Variants in ETFRF1 observed in about 807,000 individuals in gnomAD.
The protein encoded by ETFRF1 is electron transfer flavoprotein regulatory factor 1, also known as LYR motif containing 5.
In ETFRF1, 12 loss-of-function variants were observed where a neutral mutation model predicts 9.0. The observed-to-expected ratio is 1.34, with a 90% CI of 0.86 to 2.16. The LOEUF (loss-of-function observed/expected upper bound fraction) is 2.16. ETFRF1 is among the 30% of genes most tolerant of loss of function. The pLI is 0.00. For synonymous variants in ETFRF1, 34 were observed against 33.2 expected (o/e 1.02, Z -0.08); for missense variants, 98 against 101.8 (o/e 0.96, Z 0.16).
At position 25,204,530 on chromosome 12, in the gene ETFRF1, C is replaced by T. The variant is rs1031029078; in HGVS notation, c.*218C>T. The T allele has an allele frequency of 3.6e-5, 13 of 361,664 alleles. No homozygotes were observed. The highest frequency in any genetic ancestry group is 6.3e-5 in the African/African-American group (3 of 47,808). 22.4% of individuals were successfully genotyped at this position (361,664 alleles called of 1,614,324 possible). On this transcript the variant is annotated 3_prime_UTR_variant, in exon 3 of 3. Transcript: ENST00000381356. ...AAACATAGCAATTTAGCTATACTAC[C>T]GATCATAAATTAATGAGCACCCAAT... is the stretch of plus-strand genomic sequence containing the variant.
chr12:25,203,010 T>C (rs983545766), intron 1 of ETFRF1, among the ~76,000 whole-genome samples: 14 of 152,190 alleles, frequency 9.2e-5, no homozygotes, highest in African/African-American at 3.4e-4. Flanking sequence ...AAGCATTCCA[T>C]CCAGATTATA....
At chr12:25,199,306 C>T (rs1951055449) in intron 1 of ETFRF1, among the ~76,000 whole-genome samples, 1 of 147,462 alleles carries the variant, frequency 6.8e-6, no homozygotes, top group African/African-American at 2.5e-5. Flanking sequence ...GTATGTACTA[C>T]ATAGTACATA....
At chr12:25,196,490 A>AT (rs1342843879) in intron 1 of ETFRF1, among the ~76,000 whole-genome samples, 1 of 152,204 alleles carries the variant, frequency 6.6e-6, no homozygotes, top group Non-Finnish European at 1.5e-5. Flanking sequence ...GGGAACAATG[A>AT]TTAACAACTT....
chr12:25,203,702 G>A (rs574225259), intron 1 of ETFRF1: 1 of 338,312 alleles, frequency 3.0e-6, no homozygotes, highest in East Asian at 5.1e-5. Context: ...AATCACAATT[G>A]TCTTTGCTTA....
At chr12:25,201,850 A>T (rs73288818) in intron 1 of ETFRF1, among the ~76,000 whole-genome samples, 3,053 of 152,142 alleles carry the variant, frequency 0.02, 82 homozygotes, top group African/African-American at 0.07. Flanking sequence ...TGAGTATGGT[A>T]CTGTAATTTT....
Position 25,202,063 on chromosome 12 carries a change from CAAAAA to C in ETFRF1, c.-37-1841_-37-1837del, listed in dbSNP as rs149050811. On this transcript the variant is annotated intron_variant, in intron 1 of 2. Transcript: ENST00000381356. Reference sequence around the variant, plus strand: ...GTGAAACCCCGTCTCTACTGAAATACAAAAAAAAAAAAAAAAAAAATTAGCCAGGC... The same window carrying C: ...GTGAAACCCCGTCTCTACTGAAATACAAAAAAAAAAAAAAATTAGCCAGGC... 5.9e-4 allele frequency among the ~76,000 whole-genome samples: 31 copies of C among 52,814 alleles called. 3 individuals carry two copies. Among genetic ancestry groups the C allele is most frequent in the East Asian group, 1.3e-3 (2 of 1,558 alleles). The allele number at this position is 52,814 out of a possible 152,430, so 34.6% of individuals were successfully genotyped here.
intron 1 of ETFRF1, among the ~76,000 whole-genome samples, chr12:25,199,979 G>A (rs1335773733): frequency 1.3e-5 from 2 of 152,178 alleles, no homozygotes; most frequent in Non-Finnish European, 2.9e-5. Context: ...GGAAACCAAG[G>A]AGAGTGGATC....
chr12:25,199,615 T>TACACACACACACAC (rs769056865), intron 1 of ETFRF1, among the ~76,000 whole-genome samples: 3,433 of 111,168 alleles, frequency 0.031, 57 homozygotes, highest in Admixed American at 0.064. Flanking sequence ...CATATATGTA[T>TACACACACACACAC]ACATACACAC....
chr12:25,201,823 A>G (rs1660081544), intron 1 of ETFRF1, among the ~76,000 whole-genome samples: 1 of 152,114 alleles, frequency 6.6e-6, no homozygotes, highest in Admixed American at 6.6e-5. Flanking sequence ...TAAATTATGT[A>G]GCGCATGATT....
chr12:25,200,890 C>T (rs1331288452), intron 1 of ETFRF1, among the ~76,000 whole-genome samples: 2 of 152,188 alleles, frequency 1.3e-5, no homozygotes. Flanking sequence ...AGAGAGCAGT[C>T]AGTCCAGAAT....
At chr12:25,199,259 GTACTATA>G in intron 1 of ETFRF1, among the ~76,000 whole-genome samples, 1 of 148,406 alleles carries the variant, frequency 6.7e-6, no homozygotes, top group Non-Finnish European at 1.5e-5. Context: ...GAATTACTAT[GTACTATA>G]TACTATATAT....
chr12:25,203,837 C>A, intron 1 of ETFRF1, 83 bp from the exon 2 acceptor site: 1 of 739,734 alleles, frequency 1.4e-6, no homozygotes, highest in Non-Finnish European at 2.0e-6. Flanking sequence ...AAAAAGGTTA[C>A]CATTTTCTCA....
intron 1 of ETFRF1, among the ~76,000 whole-genome samples, chr12:25,202,063 C>CACAAAAAAAAAAAAAAA (rs1951077710): frequency 3.8e-5 from 2 of 52,814 alleles, no homozygotes; most frequent in African/African-American, 1.2e-4. Flanking sequence ...TACTGAAATA[C>CACAAAAAAAAAAAAAAA]AAAAAAAAAA....
intron 1 of ETFRF1, among the ~76,000 whole-genome samples, chr12:25,197,461 T>C (rs1013999219): frequency 1.3e-5 from 2 of 152,132 alleles, no homozygotes; most frequent in South Asian, 2.1e-4. Context: ...CGAAGAGGTG[T>C]TTTTTGTTTG....
chr12:25,198,930 T>C (rs2141467257), intron 1 of ETFRF1, among the ~76,000 whole-genome samples: 1 of 152,276 alleles, frequency 6.6e-6, no homozygotes, highest in African/African-American at 2.4e-5. Context: ...AGCCATCGAC[T>C]GAGGACAGGT....
chr12:25,204,165 A>C lies in ETFRF1; in HGVS notation c.126A>C (p.Lys42Asn). The change falls in exon 3 of 3, where the codon AAA becomes AAC. Residue 42 changes from lysine (K) to asparagine (N), a missense_variant. By Grantham distance (94) the Lys-to-Asn change is moderately conservative. Coordinates refer to ENST00000381356, the MANE Select transcript of ETFRF1 (RefSeq NM_001001660.3). ...FKKRLKNIFL[K>N]NKDVKNPEKI... ...AGCGTTTGAAGAACATTTTCCTTAA[A>C]AACAAAGATGTGAAGAATCCAGAGA... The C allele has an allele frequency of 6.2e-7, 1 of 1,613,018 alleles. No homozygotes were observed. The highest frequency in any genetic ancestry group is 8.5e-7 in the Non-Finnish European group (1 of 1,179,456).
intron 1 of ETFRF1, chr12:25,196,016 A>G (rs749979753): frequency 2.0e-5 from 3 of 152,248 alleles, no homozygotes; most frequent in East Asian, 1.9e-4. Flanking sequence ...GACCTGAAAT[A>G]CTTTTAAATT....
At position 25,203,911 on chromosome 12, in the gene ETFRF1, T is replaced by C. The variant is rs1001717478; in HGVS notation, c.-37-9T>C. On this transcript the variant is annotated splice_polypyrimidine_tract_variant and intron_variant, in intron 1 of 2. Transcript: ENST00000381356. Reference sequence around the variant, plus strand: ...GCAGCTAATTGCAAAAAAATTTTCCTTTCTTTAGGTATGTTATGCATAAAA... The same window carrying C: ...GCAGCTAATTGCAAAAAAATTTTCCCTTCTTTAGGTATGTTATGCATAAAA... 1.4e-6 allele frequency: 2 copies of C among 1,383,290 alleles called. No homozygotes were observed. The highest frequency in any genetic ancestry group is 3.0e-5 in the African/African-American group (2 of 67,520). 85.7% of individuals were successfully genotyped at this position (1,383,290 alleles called of 1,614,324 possible).
intron 1 of ETFRF1, among the ~76,000 whole-genome samples, chr12:25,201,442 A>G (rs1160765312): frequency 1.3e-5 from 2 of 152,172 alleles, no homozygotes; most frequent in Non-Finnish European, 2.9e-5. Flanking sequence ...GGCAATGTTC[A>G]TGAGTGCTGG....
Sources: gnomAD v4.1 joint callset for allele counts (sites outside exome capture counted in the v4.1 genomes callset) on GRCh38, gnomAD v4.1.1 for gene constraint, MANE v1.5 for transcripts, NCBI Gene and HGNC (gene_info 2026-07-23, HGNC 2026-07-21) for gene names.